The following PSD3 variants were observed in gnomAD, a reference collection of about 807,000 sequenced individuals.
PSD3 encodes the protein PH and SEC7 domain-containing protein 3.
PSD3 carries 49 observed loss-of-function variants against 105.5 expected under a neutral mutation model. That is an observed-to-expected ratio of 0.46 (90% confidence interval 0.37 to 0.59). The LOEUF is 0.59. Ranked by LOEUF, PSD3 falls within the 20% of genes least tolerant of loss-of-function variation. The pLI is 0.00. For missense variants in PSD3, 1,561 were observed against 1,263.8 expected, an observed-to-expected ratio of 1.24 and a Z score of -3.57; for synonymous variants, 557 against 457.8, an observed-to-expected ratio of 1.22 and a Z score of -2.77.
intron 10 of PSD3, among the ~76,000 whole-genome samples, chr8:18,639,734 C>T (rs1563410166): frequency 6.6e-6 from 1 of 152,140 alleles, no homozygotes; most frequent in Non-Finnish European, 1.5e-5. Flanking sequence ...GACAATAAAT[C>T]TGGGTTTTTA....
chr8:18,859,185 G>C (rs944512812), intron 4 of PSD3, among the ~76,000 whole-genome samples: 1 of 149,906 alleles, frequency 6.7e-6, no homozygotes. Flanking sequence ...GTGACCAGGC[G>C]TCTTGTCAAT....
chr8:18,550,187 C>G (rs1240120834), intron 15 of PSD3, among the ~76,000 whole-genome samples: 1 of 152,312 alleles, frequency 6.6e-6, no homozygotes, highest in East Asian at 1.9e-4. Flanking sequence ...ACATGATTGG[C>G]TGCTTATTCT....
At chr8:19,058,384 TA>T (rs1828779170) in intron 1 of PSD3, among the ~76,000 whole-genome samples, 1 of 149,208 alleles carries the variant, frequency 6.7e-6, no homozygotes, top group East Asian at 1.9e-4. Flanking sequence ...TGTACAAATT[TA>T]TATAAATATA....
chr8:19,074,584 GATATATACAT>G (rs771791067), intron 1 of PSD3, among the ~76,000 whole-genome samples: 17 of 99,530 alleles, frequency 1.7e-4, no homozygotes, highest in South Asian at 1.1e-3. Flanking sequence ...TTACAACTCA[GATATATACAT>G]ATATATATAT....
chr8:18,565,218 A>C (rs1206330406), intron 14 of PSD3, among the ~76,000 whole-genome samples: 1 of 152,164 alleles, frequency 6.6e-6, no homozygotes, highest in Admixed American at 6.5e-5. Context: ...TGCACACTGA[A>C]GTTTGAAAAG....
At position 18,605,805 on chromosome 8, in the gene PSD3, C is replaced by T. The variant is rs377055160; in HGVS notation, c.2411-5371G>A. On this transcript the variant is annotated intron_variant, in intron 11 of 15. Coordinates refer to ENST00000327040, the MANE Select transcript of PSD3 (RefSeq NM_015310.4). ...GATAGTGAATGAGTGCTCATGAGAT[C>T]TGGTTGTTTAAAAGTGTGGAGCACC... 6.7e-4 allele frequency among the ~76,000 whole-genome samples: 102 copies of T among 152,226 alleles called. 1 individual carries two copies. In the South Asian group the frequency reaches 0.021, roughly 31 times the overall value.
chr8:18,626,304 T>G (rs1364931826), intron 11 of PSD3, among the ~76,000 whole-genome samples: 1 of 151,942 alleles, frequency 6.6e-6, no homozygotes, highest in Admixed American at 6.6e-5. Context: ...TTGAGACAAG[T>G]GTATCAGCAT....
chr8:19,013,904 C>A (rs1252667105), upstream of PSD3, among the ~76,000 whole-genome samples: 78 of 65,384 alleles, frequency 1.2e-3, no homozygotes, highest in African/African-American at 4.1e-3. Context: ...GCCTCCGAGG[C>A]GGGGGCGGGG....
At chr8:18,795,243 C>T (rs147196761) in intron 8 of PSD3, among the ~76,000 whole-genome samples, 11 of 152,242 alleles carry the variant, frequency 7.2e-5, no homozygotes, top group African/African-American at 2.4e-4. Context: ...CGTGCCTGAT[C>T]ATTAAACTCA....
intron 1 of PSD3, among the ~76,000 whole-genome samples, chr8:18,974,618 A>G (rs1405765537): frequency 6.6e-6 from 1 of 152,010 alleles, no homozygotes; most frequent in Non-Finnish European, 1.5e-5. Flanking sequence ...CCTGGACCCT[A>G]CATTCTAGTG....
rs1270834583 is a variant in PSD3, at chr8:18,804,516, T to C, written c.1910+6A>G. ...AATGACGAGCAGCAAGGAGGCTTAG[T>C]CATACCTGAGTGACTGATCCAGCGT... is the stretch of plus-strand genomic sequence containing the variant. On this transcript the variant is annotated splice_donor_region_variant and intron_variant, in intron 6 of 15. Transcript: ENST00000327040. 1.3e-6 allele frequency: 2 copies of C among 1,597,186 alleles called. No individual in the cohort carries two copies. Among genetic ancestry groups the C allele is most frequent in the Non-Finnish European group, 8.6e-7 (1 of 1,164,910 alleles).
chr8:19,004,026 C>G (rs191596471), intron 1 of PSD3, among the ~76,000 whole-genome samples: 1 of 152,158 alleles, frequency 6.6e-6, no homozygotes, highest in African/African-American at 2.4e-5. Context: ...CCAGAATCTT[C>G]AGGCAGCCCT....
intron 9 of PSD3, among the ~76,000 whole-genome samples, chr8:18,674,143 T>A (rs1799943940): frequency 6.6e-6 from 1 of 150,964 alleles, no homozygotes; most frequent in Non-Finnish European, 1.5e-5. Context: ...GAAACTTGTC[T>A]TAAAAAAAAA....
intron 9 of PSD3, among the ~76,000 whole-genome samples, chr8:18,688,844 T>C (rs1401919566): frequency 6.6e-6 from 1 of 152,238 alleles, no homozygotes; most frequent in Non-Finnish European, 1.5e-5. Context: ...CCGAGCCGGC[T>C]TGCTATAAAA....
At chr8:18,556,169 C>T (rs368218712) in intron 15 of PSD3, 40 bp downstream of exon 15, 33 of 1,606,428 alleles carry the variant, frequency 2.1e-5, no homozygotes, top group Non-Finnish European at 1.9e-5. Context: ...CATAAGAAAA[C>T]TCAGAAATCA....
chr8:18,715,089 G>A (rs1322698383), intron 9 of PSD3, among the ~76,000 whole-genome samples: 2 of 152,146 alleles, frequency 1.3e-5, no homozygotes, highest in African/African-American at 2.4e-5. Flanking sequence ...AGGAGAACCC[G>A]TGGACACAGG....
intron 1 of PSD3, 104 bp from the exon 2 acceptor site, chr8:18,936,246 A>G: frequency 2.6e-6 from 2 of 755,016 alleles, no homozygotes; most frequent in Non-Finnish European, 4.5e-6. Flanking sequence ...ATTATGACAT[A>G]TGTACTCAAA....
At chr8:18,783,134 T>G (rs113148188) in intron 8 of PSD3, among the ~76,000 whole-genome samples, 1 of 152,208 alleles carries the variant, frequency 6.6e-6, no homozygotes, top group East Asian at 1.9e-4. Flanking sequence ...AGGCTTTTCT[T>G]TGTAGGAAGT....
Position 18,867,656 on chromosome 8 carries a change from T to C in PSD3, c.1634+18A>G. On this transcript the variant is annotated intron_variant, in intron 4 of 15. Transcript: ENST00000327040. ...ACAAAAACCACCAGCATGAAATGAA[T>C]GAGAATGGGACGAGTACCTTCCCCA... 6.4e-7 allele frequency: 1 copy of C among 1,572,648 alleles called. No individual in the cohort carries two copies. Among genetic ancestry groups the C allele is most frequent in the Non-Finnish European group, 8.6e-7 (1 of 1,158,276 alleles).
Sources: gnomAD v4.1 joint callset for allele counts (sites outside exome capture counted in the v4.1 genomes callset) on GRCh38, gnomAD v4.1.1 for gene constraint, MANE v1.5 for transcripts, NCBI Gene and HGNC (gene_info 2026-07-23, HGNC 2026-07-21) for gene names.